The following NEURL3 variants were observed in gnomAD, a reference collection of about 807,000 sequenced individuals.
NEURL3 encodes the protein E3 ubiquitin-protein ligase NEURL3.
In NEURL3, 19 loss-of-function variants were observed where a neutral mutation model predicts 17.6. The ratio of observed to expected loss-of-function variants is 1.08; its 90% CI spans 0.75 to 1.58. The LOEUF is 1.58. NEURL3 is among the 40% of genes most tolerant of loss of function. NEURL3 has a pLI of 0.00. For synonymous variants in NEURL3, 180 were observed against 161.4 expected (o/e 1.11, Z -0.87); for missense variants, 342 against 379.6 (o/e 0.90, Z 0.82).
upstream of NEURL3, chr2:96,507,728 C>T (rs1248301435): frequency 6.6e-6 from 1 of 152,424 alleles, no homozygotes; most frequent in Non-Finnish European, 1.5e-5. Context: ...TCCCAAAGTG[C>T]TGGGATTACA....
At chr2:96,502,784 C>T in intron 1 of NEURL3, among the ~76,000 whole-genome samples, 1 of 152,208 alleles carries the variant, frequency 6.6e-6, no homozygotes. Flanking sequence ...CGAGCCCTCT[C>T]TACAAACTGC....
At chr2:96,505,507 G>A (rs113752553), upstream of NEURL3, 48 of 599,620 alleles carry the variant, frequency 8.0e-5, no homozygotes, top group African/African-American at 4.8e-4. Flanking sequence ...GGAGCTGGCC[G>A]GCCTAAGAGA....
intron 1 of NEURL3, among the ~76,000 whole-genome samples, chr2:96,502,060 C>A (rs1194545057): frequency 1.3e-5 from 2 of 152,126 alleles, no homozygotes; most frequent in Non-Finnish European, 2.9e-5. Context: ...TGACTCTGTC[C>A]CTGACTTCCA....
chr2:96,504,002 A>G (rs2065536573), intron 1 of NEURL3, among the ~76,000 whole-genome samples: 1 of 152,204 alleles, frequency 6.6e-6, no homozygotes, highest in African/African-American at 2.4e-5. Flanking sequence ...CCCATGGGCG[A>G]TCGCTCCAAT....
chr2:96,506,973 C>G (rs1197797434), upstream of NEURL3, among the ~76,000 whole-genome samples: 2 of 152,230 alleles, frequency 1.3e-5, no homozygotes, highest in Non-Finnish European at 2.9e-5. Flanking sequence ...CCGCCACACA[C>G]TCTGTGTTTG....
Position 96,499,434 on chromosome 2 carries a change from C to T in NEURL3, c.530G>A (p.Arg177Gln), listed in dbSNP as rs370779737. 43 of 1,599,498 alleles carry T rather than the reference C, an allele frequency of 2.7e-5. No homozygotes were observed. Among genetic ancestry groups the T allele is most frequent in the Middle Eastern group, 3.3e-4 (2 of 6,060 alleles). ...AIELLDPTASRLPTPMPWDLS... is the reference protein window; with the variant it reads ...AIELLDPTASQLPTPMPWDLS... The stretch of plus-strand genomic sequence containing the variant: ...GTCCCATGGCATGGGTGTTGGGAGC[C>T]GGCTGGCTGTGGGATCTGAGGCAGA... The change falls in exon 3 of 4, where the codon CGG becomes CAG. Residue 177 changes from arginine to glutamine, a missense_variant. Arg to Gln is a conservative substitution (Grantham distance 43). Transcript: ENST00000451794.
intron 1 of NEURL3, among the ~76,000 whole-genome samples, chr2:96,502,845 A>G (rs1573158026): frequency 1.3e-5 from 2 of 152,236 alleles, no homozygotes; most frequent in East Asian, 1.9e-4. Context: ...GCAAGTGGCT[A>G]GCCCCACCCC....
At position 96,498,537 on chromosome 2, in the gene NEURL3, T is replaced by A; in HGVS notation, c.587-91A>T. 1 of 1,137,004 alleles carries A rather than the reference T, an allele frequency of 8.8e-7. No homozygotes were observed. 70.4% of individuals were successfully genotyped at this position (1,137,004 alleles called of 1,614,324 possible). On this transcript the variant is annotated intron_variant, in intron 3 of 3. Transcript: ENST00000451794. This position sits in a 1 kb window ranked among gnomAD's most constrained non-coding sequence, Gnocchi z 4.4. ...GACCACAGAGAATGACAGAGAAACA[T>A]GTAGCTATATTTTGAAGAATGTTAC...
At chr2:96,499,339 G>A (rs1278087537) in intron 3 of NEURL3, 39 bp downstream of exon 3, 3 of 1,595,114 alleles carry the variant, frequency 1.9e-6, no homozygotes, top group Non-Finnish European at 2.6e-6. Context: ...CCAGGTGCTG[G>A]ATTCCCGGGG....
Position 96,505,333 on chromosome 2 carries a change from C to T in NEURL3, c.-47G>A. The stretch of plus-strand genomic sequence containing the variant: ...AGGTCCCCAGGTCTAGAAGGAACTG[C>T]CTGGAGAAGGCCAGTGGACAGGTTA... On this transcript the variant is annotated 5_prime_UTR_variant, in exon 1 of 4. Coordinates refer to ENST00000451794, the MANE Select transcript of NEURL3 (RefSeq NM_001285485.2). The T allele has an allele frequency of 6.3e-7, 1 of 1,594,656 alleles. No individual in the cohort carries two copies. The highest frequency in any genetic ancestry group is 8.5e-7 in the Non-Finnish European group (1 of 1,175,976).
intron 3 of NEURL3, 133 bp downstream of exon 3, chr2:96,499,245 T>C: frequency 1.4e-6 from 2 of 1,441,794 alleles, no homozygotes; most frequent in South Asian, 1.5e-5. Flanking sequence ...AGGTTTCCAG[T>C]AGGCAGAGCC....
At chr2:96,501,830 G>A (rs2065510792) in intron 1 of NEURL3, among the ~76,000 whole-genome samples, 1 of 152,182 alleles carries the variant, frequency 6.6e-6, no homozygotes, top group Admixed American at 6.5e-5. Flanking sequence ...GCTGGGGGAG[G>A]GAGGCTGGCT....
intron 2 of NEURL3, 135 bp from the exon 3 acceptor site, chr2:96,499,584 T>C (rs751336677): frequency 1.4e-6 from 1 of 711,382 alleles, no homozygotes; most frequent in Non-Finnish European, 2.4e-6. Context: ...TCCCCAAATT[T>C]TAAGACCCTG....
chr2:96,500,380 G>T (rs766720753), intron 2 of NEURL3, 59 bp downstream of exon 2: 5 of 1,586,648 alleles, frequency 3.2e-6, no homozygotes, highest in Admixed American at 3.4e-5. Context: ...ATCGGTGTGG[G>T]GTGCCACTGG....
In NEURL3 at chr2:96,500,912, G is replaced by A. The variant is rs1441903695; in HGVS notation, c.41C>T (p.Pro14Leu). The change falls in exon 2 of 4, where the codon CCC becomes CTC. Residue 14 changes from proline to leucine, a missense_variant. Transcript: ENST00000451794. ...QLCFEANAKA[P>L]REALRFHAEA... is the part of the protein sequence containing the mutation. ...GGCATGGAAGCGAAGTGCCTCTCGG[G>A]GCGCCTTGGCGTCTGTGGGTTGAGG... 6.4e-7 allele frequency: 1 copy of A among 1,562,340 alleles called. No homozygotes were observed.
chr2:96,497,737 T>C lies in NEURL3; in HGVS notation c.*507A>G, dbSNP rs114659497. 735 of 153,416 alleles carry C rather than the reference T, an allele frequency of 4.8e-3. 6 individuals carry two copies. Among genetic ancestry groups the C allele is most frequent in the African/African-American group, 0.017 (702 of 41,606 alleles). 9.5% of individuals were successfully genotyped at this position (153,416 alleles called of 1,614,324 possible). On this transcript the variant is annotated 3_prime_UTR_variant, in exon 4 of 4. Coordinates refer to ENST00000451794, the MANE Select transcript of NEURL3 (RefSeq NM_001285485.2). The stretch of plus-strand genomic sequence containing the variant: ...ATACACTTTCATGTTTTAAATCATC[T>C]TCAGATGCATGGTCTCTCTGGGACC...
intron 1 of NEURL3, among the ~76,000 whole-genome samples, chr2:96,504,877 C>CAAAAAAGAAAAAAAAAA (rs2065546805): frequency 1.8e-5 from 1 of 55,280 alleles, no homozygotes; most frequent in Non-Finnish European, 3.6e-5. Context: ...GACTCCGTCT[C>CAAAAAAGAAAAAAAAAA]AAAAAAAAAA....
intron 1 of NEURL3, among the ~76,000 whole-genome samples, chr2:96,501,673 A>G (rs2065508836): frequency 3.9e-5 from 6 of 152,058 alleles, no homozygotes; most frequent in Admixed American, 3.9e-4. Flanking sequence ...GACTTCCCAC[A>G]GGACTCTGCC....
rs999395934 is a variant in NEURL3 at position 96,499,395 on chromosome 2, G to C, written c.569C>G (p.Ala190Gly). 1 of 1,599,548 alleles carries C rather than the reference G, an allele frequency of 6.3e-7. No homozygotes were observed. The highest frequency in any genetic ancestry group is 8.5e-7 in the Non-Finnish European group (1 of 1,179,804). The change falls in exon 3 of 4, where the codon GCT becomes GGT. Residue 190 changes from alanine (A) to glycine (G), a missense_variant. Physicochemically the swap from Ala to Gly is moderately conservative, Grantham distance 60. Transcript: ENST00000451794. ...TPMPWDLSNK[A>G]VPEPKATPGE... Reference sequence around the variant, plus strand: ...GCACTCACCTTTGGGCTCAGGCACAGCCTTGTTGCTGAGGTCCCATGGCAT... The same window carrying C: ...GCACTCACCTTTGGGCTCAGGCACACCCTTGTTGCTGAGGTCCCATGGCAT...
Sources: allele counts gnomAD v4.1 joint callset (sites outside exome capture counted in the v4.1 genomes callset), GRCh38; gene constraint gnomAD v4.1.1; non-coding constraint Gnocchi (gnomAD v3.1); transcripts MANE v1.5; gene names NCBI Gene and HGNC (gene_info 2026-07-23, HGNC 2026-07-21).